The following HMCN1 variants were observed in gnomAD, a reference collection of about 807,000 sequenced individuals.
HMCN1 encodes the protein hemicentin 1, also known as hemicentin-1.
A neutral mutation model predicts 625.9 loss-of-function variants in HMCN1; 321 were observed. That is an observed-to-expected ratio of 0.51 (90% CI 0.47 to 0.56). HMCN1 has a LOEUF of 0.56. Among genes scored for constraint, HMCN1 ranks in the 20% least tolerant of loss-of-function variants. The pLI is 0.00. For synonymous variants in HMCN1, 2,425 were observed against 2,417.6 expected, an observed-to-expected ratio of 1.00 and a Z score of -0.09; for missense variants, 6,588 against 6,887.3, an observed-to-expected ratio of 0.96 and a Z score of 1.54.
At chr1:185,811,651 T>C (rs1055841438) in intron 1 of HMCN1, among the ~76,000 whole-genome samples, 2 of 151,858 alleles carry the variant, frequency 1.3e-5, no homozygotes, top group Non-Finnish European at 2.9e-5. Context: ...GTATAAGCCA[T>C]TTTTCTCATG....
Position 186,115,243 on chromosome 1 carries a change from G to T in HMCN1, c.11405-15G>T, listed in dbSNP as rs1478627367. ...GCTGACTGTGTTTCCTTCTTATTTG[G>T]TGACATTGTCTTAGTTCCTCCATCT... On this transcript the variant is annotated splice_polypyrimidine_tract_variant and intron_variant, in intron 74 of 106. Transcript: ENST00000271588. 1.2e-6 allele frequency: 2 copies of T among 1,613,600 alleles called. No individual in the cohort carries two copies. The highest frequency in any genetic ancestry group is 1.7e-6 in the Non-Finnish European group (2 of 1,179,794).
At chr1:186,051,990 C>T (rs1027643165) in intron 42 of HMCN1, among the ~76,000 whole-genome samples, 1 of 151,884 alleles carries the variant, frequency 6.6e-6, no homozygotes, top group African/African-American at 2.4e-5. Context: ...ATGGGTAGAT[C>T]AATAACTGAG....
chr1:185,812,308 T>C (rs982297371), intron 1 of HMCN1, among the ~76,000 whole-genome samples: 3 of 152,104 alleles, frequency 2.0e-5, no homozygotes, highest in African/African-American at 7.2e-5. Context: ...TGTAACACAT[T>C]CAAATCAACG....
intron 97 of HMCN1, among the ~76,000 whole-genome samples, chr1:186,157,594 C>T (rs149235771): frequency 6.6e-6 from 1 of 152,142 alleles, no homozygotes; most frequent in Non-Finnish European, 1.5e-5. Flanking sequence ...CACTAACTCC[C>T]CCCACCCCAA....
At chr1:185,879,412 T>A (rs1664156020) in intron 4 of HMCN1, among the ~76,000 whole-genome samples, 1 of 152,180 alleles carries the variant, frequency 6.6e-6, no homozygotes, top group African/African-American at 2.4e-5. Flanking sequence ...GTTCAAGCAA[T>A]CCTTCCACCT....
intron 1 of HMCN1, among the ~76,000 whole-genome samples, chr1:185,826,952 G>A (rs113278217): frequency 0.032 from 4,913 of 151,914 alleles, 236 homozygotes; most frequent in African/African-American, 0.11. Context: ...CAAGGTGGGC[G>A]GATCACGAGG....
At chr1:186,180,628 G>T (rs1652874833) in intron 104 of HMCN1, among the ~76,000 whole-genome samples, 1 of 152,092 alleles carries the variant, frequency 6.6e-6, no homozygotes, top group Non-Finnish European at 1.5e-5. Context: ...TTCCGTTTAT[G>T]TTAAACCAAT....
chr1:186,018,093 G>A (rs1173248076), intron 33 of HMCN1, 90 bp from the exon 34 acceptor site: 2 of 1,188,850 alleles, frequency 1.7e-6, no homozygotes, highest in East Asian at 2.4e-5. Flanking sequence ...CTAGGAAATT[G>A]GACAAATATA....
rs74134313 is a variant in HMCN1, at chr1:185,875,411, C to A, written c.621+9548C>A. Among the ~76,000 whole-genome samples the A allele has an allele frequency of 7.6e-3, 1,150 of 152,088 alleles. 14 individuals are homozygous for A. The highest frequency in any genetic ancestry group is 0.024 in the African/African-American group (997 of 41,524). Reference sequence around the variant, plus strand: ...GACATAGATATGATGTCTCAAGATGCCAGATTTTGGAATCTCTGAGGAGAG... The same window carrying A: ...GACATAGATATGATGTCTCAAGATGACAGATTTTGGAATCTCTGAGGAGAG... On this transcript the variant is annotated intron_variant, in intron 4 of 106. Transcript: ENST00000271588.
intron 2 of HMCN1, among the ~76,000 whole-genome samples, chr1:185,852,766 T>TA (rs1192228935): frequency 2.0e-5 from 3 of 152,038 alleles, no homozygotes; most frequent in Non-Finnish European, 4.4e-5. Flanking sequence ...CTACTAGCTC[T>TA]AGTACTCCAA....
chr1:185,735,301 C>T (rs1306195490), intron 1 of HMCN1, among the ~76,000 whole-genome samples: 1 of 152,058 alleles, frequency 6.6e-6, no homozygotes, highest in East Asian at 1.9e-4. Flanking sequence ...TGTGGAGTTA[C>T]GAAAAACAAA....
In HMCN1 at chr1:186,134,083, A is replaced by G. The variant is rs576550526; in HGVS notation, c.13312+1674A>G. On this transcript the variant is annotated intron_variant, in intron 86 of 106. Coordinates refer to ENST00000271588, the MANE Select transcript of HMCN1 (RefSeq NM_031935.3). ...GAGCAGCTCATCTGCACATATTGAC[A>G]ATAAATTCATTTTAGTAAGTGAGGC... Among the ~76,000 whole-genome samples the G allele has an allele frequency of 2.7e-4, 41 of 152,320 alleles. No homozygotes were observed. In the South Asian group the frequency reaches 8.5e-3, roughly 32 times the overall value.
intron 104 of HMCN1, among the ~76,000 whole-genome samples, chr1:186,181,379 C>T (rs1329171625): frequency 4.6e-5 from 7 of 152,130 alleles, no homozygotes; most frequent in African/African-American, 1.7e-4. Context: ...ATCATCTATT[C>T]TCACCCTCCT....
chr1:186,167,006 C>T, intron 100 of HMCN1, 64 bp downstream of exon 100: 1 of 1,592,820 alleles, frequency 6.3e-7, no homozygotes, highest in Non-Finnish European at 8.6e-7. Context: ...CCTTTTGACT[C>T]CTCAAAAGTT....
At chr1:186,082,625 A>AT (rs929358157) in intron 56 of HMCN1, among the ~76,000 whole-genome samples, 1 of 151,828 alleles carries the variant, frequency 6.6e-6, no homozygotes. Flanking sequence ...AATTTGGGAC[A>AT]TTTTTTTTCT....
intron 85 of HMCN1, among the ~76,000 whole-genome samples, chr1:186,131,375 A>G (rs1002442619): frequency 9.9e-5 from 15 of 152,144 alleles, no homozygotes; most frequent in African/African-American, 3.6e-4. Flanking sequence ...CCATAATACT[A>G]ATATGGCTCA....
chr1:185,894,018 C>A (rs1665319762), intron 4 of HMCN1, among the ~76,000 whole-genome samples: 1 of 151,608 alleles, frequency 6.6e-6, no homozygotes, highest in South Asian at 2.1e-4. Context: ...CCCTGTAGTC[C>A]CAGCTACTCT....
chr1:185,858,117 T>G (rs1662587054), intron 2 of HMCN1, among the ~76,000 whole-genome samples: 1 of 152,190 alleles, frequency 6.6e-6, no homozygotes, highest in Non-Finnish European at 1.5e-5. Flanking sequence ...AAGTTAGTAC[T>G]CCGTCAATAA....
chr1:185,932,783 CA>C (rs1346393517), intron 10 of HMCN1, among the ~76,000 whole-genome samples: 1 of 152,038 alleles, frequency 6.6e-6, no homozygotes, highest in Non-Finnish European at 1.5e-5. Flanking sequence ...ACCACCATGG[CA>C]CACGTATACC....
Sources: gnomAD v4.1 joint callset for allele counts (sites outside exome capture counted in the v4.1 genomes callset) on GRCh38, gnomAD v4.1.1 for gene constraint, MANE v1.5 for transcripts, NCBI Gene and HGNC (gene_info 2026-07-23, HGNC 2026-07-21) for gene names.